MCCC2: variants seen among roughly 807,000 people sequenced by gnomAD.
The protein encoded by MCCC2 is methylcrotonoyl-CoA carboxylase beta chain, mitochondrial.
MCCC2 carries 52 observed loss-of-function variants against 77.2 expected under a neutral mutation model. The ratio of observed to expected loss-of-function variants is 0.67; its 90% CI spans 0.54 to 0.85. The LOEUF (loss-of-function observed/expected upper bound fraction) is 0.85. Ranked by LOEUF, MCCC2 falls within the 40% of genes least tolerant of loss-of-function variation. The pLI is 0.00. For missense variants in MCCC2, 682 were observed against 703.2 expected (o/e 0.97, Z 0.34); for synonymous variants, 253 against 248.4 (o/e 1.02, Z -0.18).
chr5:71,594,569 T>C (rs10044572), intron 2 of MCCC2, among the ~76,000 whole-genome samples: 1 of 149,216 alleles, frequency 6.7e-6, no homozygotes, highest in South Asian at 2.1e-4. Context: ...CAATGGAGGG[T>C]TGAGGAGTCC....
intron 6 of MCCC2, among the ~76,000 whole-genome samples, chr5:71,619,394 C>G (rs2112389945): frequency 6.6e-6 from 1 of 152,154 alleles, no homozygotes; most frequent in Middle Eastern, 3.4e-3. Flanking sequence ...GTTGGGACTT[C>G]AGGTGCACAC....
chr5:71,647,584 A>G (rs1747304268), intron 13 of MCCC2, among the ~76,000 whole-genome samples: 1 of 152,102 alleles, frequency 6.6e-6, no homozygotes, highest in Admixed American at 6.5e-5. Context: ...GTTTTTCAGC[A>G]TTGCATTTGA....
chr5:71,596,479 A>T (rs1745193339), intron 3 of MCCC2, 115 bp downstream of exon 3: 3 of 972,560 alleles, frequency 3.1e-6, no homozygotes, highest in Non-Finnish European at 4.9e-6. Flanking sequence ...ATTCAGGAAC[A>T]TGTGTTTATT....
At chr5:71,629,606 A>G (rs1438709468) in intron 7 of MCCC2, among the ~76,000 whole-genome samples, 1 of 152,200 alleles carries the variant, frequency 6.6e-6, no homozygotes, top group Non-Finnish European at 1.5e-5. Flanking sequence ...TTATGTTTTG[A>G]TGTAAAATAA....
chr5:71,653,143 C>T (rs962819091), intron 16 of MCCC2, among the ~76,000 whole-genome samples: 3 of 152,166 alleles, frequency 2.0e-5, no homozygotes, highest in Non-Finnish European at 4.4e-5. Flanking sequence ...TCTCCTTGAT[C>T]ATTTTGTTTT....
At chr5:71,629,618 T>C (rs77850075) in intron 7 of MCCC2, among the ~76,000 whole-genome samples, 137 of 152,242 alleles carry the variant, frequency 9.0e-4, no homozygotes, top group African/African-American at 3.2e-3. Context: ...GTAAAATAAG[T>C]ATATTTCCCA....
chr5:71,596,202 T>G, intron 2 of MCCC2, 78 bp from the exon 3 acceptor site: 2 of 545,658 alleles, frequency 3.7e-6, no homozygotes, highest in Non-Finnish European at 5.5e-6. Flanking sequence ...ATATTTTGGA[T>G]TAAGTATTAT....
chr5:71,626,184 T>C (rs1746522896), intron 6 of MCCC2, among the ~76,000 whole-genome samples: 1 of 152,214 alleles, frequency 6.6e-6, no homozygotes. Flanking sequence ...TTAGAAAGTA[T>C]TACATCCAGC....
At chr5:71,604,691 A>C (rs1745597855) in intron 6 of MCCC2, among the ~76,000 whole-genome samples, 1 of 151,828 alleles carries the variant, frequency 6.6e-6, no homozygotes, top group Non-Finnish European at 1.5e-5. Context: ...CTAAATCGTC[A>C]TCTAGCATTA....
intron 6 of MCCC2, among the ~76,000 whole-genome samples, chr5:71,606,149 T>G (rs1745667608): frequency 6.6e-6 from 1 of 151,724 alleles, no homozygotes; most frequent in Non-Finnish European, 1.5e-5. Context: ...GCATTGAATC[T>G]GTAAATTACC....
intron 6 of MCCC2, among the ~76,000 whole-genome samples, chr5:71,620,505 G>A (rs1446926961): frequency 1.3e-5 from 2 of 152,088 alleles, no homozygotes; most frequent in Non-Finnish European, 2.9e-5. Context: ...TTGCAGGGAG[G>A]AACTGAGGTC....
chr5:71,594,003 A>G (rs1320944772), intron 2 of MCCC2, among the ~76,000 whole-genome samples: 2 of 152,140 alleles, frequency 1.3e-5, no homozygotes, highest in African/African-American at 4.8e-5. Flanking sequence ...TCGGGAGCTC[A>G]AGTGATCTTC....
At chr5:71,631,789 C>G (rs1466209620) in intron 7 of MCCC2, among the ~76,000 whole-genome samples, 1 of 152,060 alleles carries the variant, frequency 6.6e-6, no homozygotes, top group African/African-American at 2.4e-5. Context: ...ATCCACCCGC[C>G]TCGGCCTCCC....
rs1746541701 is a variant in MCCC2, at chr5:71,626,766, G to A, written c.738+13G>A. Reference sequence around the variant, plus strand: ...AGGACCCCCCTTGGTAAGAACATAAGAACGTTGGTCGATGGAAATTAAGTA... The same window carrying A: ...AGGACCCCCCTTGGTAAGAACATAAAAACGTTGGTCGATGGAAATTAAGTA... On this transcript the variant is annotated intron_variant, in intron 7 of 16. Transcript: ENST00000340941. The A allele has an allele frequency of 6.2e-7, 1 of 1,609,044 alleles. No homozygotes were observed. The highest frequency in any genetic ancestry group is 8.5e-7 in the Non-Finnish European group (1 of 1,175,580).
intron 1 of MCCC2, among the ~76,000 whole-genome samples, chr5:71,588,189 A>AC (rs1744837172): frequency 6.6e-6 from 1 of 151,770 alleles, no homozygotes; most frequent in African/African-American, 2.4e-5. Context: ...GAATCGCTTG[A>AC]ACTTGGGAGG....
intron 6 of MCCC2, among the ~76,000 whole-genome samples, chr5:71,613,990 TTATATA>T (rs1227765089): frequency 6.7e-6 from 1 of 150,230 alleles, no homozygotes; most frequent in Non-Finnish European, 1.5e-5. Context: ...ATAGTTCATA[TTATATA>T]TATATGGTTC....
chr5:71,590,972 T>G (rs1368678038), intron 1 of MCCC2, among the ~76,000 whole-genome samples: 1 of 152,252 alleles, frequency 6.6e-6, no homozygotes, highest in Non-Finnish European at 1.5e-5. Context: ...TGACAAGTTC[T>G]GTATATTGTG....
At chr5:71,646,373 A>C (rs963881555) in intron 13 of MCCC2, 96 bp downstream of exon 13, 26 of 1,098,028 alleles carry the variant, frequency 2.4e-5, no homozygotes, top group Non-Finnish European at 3.2e-5. Flanking sequence ...AGACCACTTC[A>C]TCAGAGCAGG....
chr5:71,602,195 T>C (rs1046536053), intron 4 of MCCC2, among the ~76,000 whole-genome samples: 4 of 152,156 alleles, frequency 2.6e-5, no homozygotes, highest in Non-Finnish European at 5.9e-5. Context: ...TAGGACCTTT[T>C]CATTCAAAGA....
Sources: gnomAD v4.1 joint callset for allele counts (sites outside exome capture counted in the v4.1 genomes callset) on GRCh38, gnomAD v4.1.1 for gene constraint, MANE v1.5 for transcripts, NCBI Gene and HGNC (gene_info 2026-07-23, HGNC 2026-07-21) for gene names.